PRKCB: variants seen among roughly 807,000 people sequenced by gnomAD.
PRKCB encodes the protein protein kinase C beta type.
Under a neutral mutation model 81.5 loss-of-function variants are expected in PRKCB, and 13 were observed. The observed-to-expected ratio is 0.16, with a 90% CI of 0.10 to 0.25. The LOEUF is 0.25. Among genes scored for constraint, PRKCB ranks in the 10% least tolerant of loss-of-function variants. PRKCB has a pLI of 1.00. For missense variants in PRKCB, 509 were observed against 875.7 expected, an observed-to-expected ratio of 0.58 and a Z score of 5.29; for synonymous variants, 335 against 321.4, an observed-to-expected ratio of 1.04 and a Z score of -0.45.
At chr16:23,952,896 G>A (rs1460599588) in intron 2 of PRKCB, among the ~76,000 whole-genome samples, 9 of 152,132 alleles carry the variant, frequency 5.9e-5, no homozygotes, top group South Asian at 4.1e-4. Context: ...ATACCATGCC[G>A]CCTGAATTGG....
intron 2 of PRKCB, among the ~76,000 whole-genome samples, chr16:23,884,237 C>T (rs776339721): frequency 7.2e-5 from 11 of 152,136 alleles, no homozygotes; most frequent in Non-Finnish European, 1.6e-4. Context: ...CTCTGGCACC[C>T]GTGTTGTGCT....
chr16:23,884,197 T>C (rs1963165315), intron 2 of PRKCB, among the ~76,000 whole-genome samples: 1 of 152,128 alleles, frequency 6.6e-6, no homozygotes, highest in African/African-American at 2.4e-5. Flanking sequence ...TATGCAAGCT[T>C]ATAGAATTAG....
chr16:24,214,621 C>T, intron 16 of PRKCB, 37 bp from the exon 17 acceptor site: 2 of 1,551,304 alleles, frequency 1.3e-6, no homozygotes, highest in Non-Finnish European at 8.8e-7. Context: ...TGTTTTTTTT[C>T]CCACCCACCA....
At chr16:23,951,427 A>G (rs770886871) in intron 2 of PRKCB, among the ~76,000 whole-genome samples, 4 of 151,640 alleles carry the variant, frequency 2.6e-5, no homozygotes, top group Admixed American at 2.6e-4. Flanking sequence ...CAATTTTTCT[A>G]GTGGCTTTTT....
At chr16:24,125,720 G>C (rs1469588999) in intron 9 of PRKCB, among the ~76,000 whole-genome samples, 1 of 152,170 alleles carries the variant, frequency 6.6e-6, no homozygotes, top group East Asian at 1.9e-4. Flanking sequence ...AGAGCCTAGG[G>C]ATGGAATTCA....
intron 2 of PRKCB, among the ~76,000 whole-genome samples, chr16:23,850,686 T>C (rs945510968): frequency 2.6e-5 from 4 of 152,218 alleles, no homozygotes; most frequent in Non-Finnish European, 5.9e-5. Context: ...TTTTGTTTTT[T>C]TGAGAAACTT....
At chr16:24,094,782 G>C (rs1197122502) in intron 7 of PRKCB, among the ~76,000 whole-genome samples, 1 of 144,914 alleles carries the variant, frequency 6.9e-6, no homozygotes. Flanking sequence ...GAAAGAGAGA[G>C]AGAGAGAAGG....
intron 2 of PRKCB, among the ~76,000 whole-genome samples, chr16:23,935,556 CT>C (rs1964046889): frequency 6.6e-6 from 1 of 152,060 alleles, no homozygotes; most frequent in Non-Finnish European, 1.5e-5. Flanking sequence ...CCCAAAATCT[CT>C]TTTAAAATAG....
Position 24,122,468 on chromosome 16 carries a change from T to TTTTTTTTTTTTTTTTTTC in PRKCB, c.919-1367_919-1366insTTTTTTTTTTTTTTTTTC, listed in dbSNP as rs1555498212. Among the ~76,000 whole-genome samples the TTTTTTTTTTTTTTTTTTC allele has an allele frequency of 1.9e-4, 26 of 138,992 alleles. 2 individuals are homozygous for TTTTTTTTTTTTTTTTTTC. Among genetic ancestry groups the TTTTTTTTTTTTTTTTTTC allele is most frequent in the African/African-American group, 8.2e-4 (25 of 30,348 alleles). 91.2% of individuals were successfully genotyped at this position (138,992 alleles called of 152,430 possible). Reference sequence around the variant, plus strand: ...ACGAGGCTTTTTTTTTTTTTTTTTTTAGTGAGAGAGAGATGGGATCTCACT... The same window carrying TTTTTTTTTTTTTTTTTTC: ...ACGAGGCTTTTTTTTTTTTTTTTTTTTTTTTTTTTTTTTTTTTCAGTGAGAGAGAGATGGGATCTCACT... On this transcript the variant is annotated intron_variant, in intron 8 of 16. Transcript: ENST00000643927.
intron 2 of PRKCB, among the ~76,000 whole-genome samples, chr16:23,929,119 A>G (rs1963937255): frequency 6.6e-6 from 1 of 152,070 alleles, no homozygotes; most frequent in African/African-American, 2.4e-5. Flanking sequence ...GGTGCTGCAT[A>G]AGAGATGGCT....
At chr16:23,956,817 G>A (rs1316010002) in intron 2 of PRKCB, among the ~76,000 whole-genome samples, 2 of 151,964 alleles carry the variant, frequency 1.3e-5, no homozygotes, top group African/African-American at 4.8e-5. Context: ...TGGGATGCAG[G>A]GGAGCTTAAT....
At chr16:24,088,150 T>G (rs1431463628) in intron 5 of PRKCB, among the ~76,000 whole-genome samples, 1 of 152,186 alleles carries the variant, frequency 6.6e-6, no homozygotes, top group Non-Finnish European at 1.5e-5. Flanking sequence ...GAAACACGAC[T>G]CAACTTTGAA....
intron 3 of PRKCB, among the ~76,000 whole-genome samples, chr16:23,998,526 C>G (rs1964988922): frequency 6.6e-6 from 1 of 152,202 alleles, no homozygotes. Flanking sequence ...ATGGAGCCAG[C>G]ATTCCTAGCC....
At chr16:24,117,889 C>T (rs12708655) in intron 8 of PRKCB, among the ~76,000 whole-genome samples, 18,772 of 152,242 alleles carry the variant, frequency 0.12, 1,592 homozygotes, top group African/African-American at 0.23. Flanking sequence ...GGTTATCCGT[C>T]GGCTCCCCTT....
intron 2 of PRKCB, among the ~76,000 whole-genome samples, chr16:23,894,564 T>C (rs1027970771): frequency 4.6e-5 from 7 of 152,210 alleles, no homozygotes. Flanking sequence ...TGAGGGAAGC[T>C]GTCTTGAATG....
chr16:24,137,000 C>T (rs1348419853), intron 9 of PRKCB, among the ~76,000 whole-genome samples: 2 of 151,986 alleles, frequency 1.3e-5, no homozygotes, highest in Non-Finnish European at 2.9e-5. Context: ...TCCTCAGCTT[C>T]CCGAGTAGCT....
chr16:24,117,082 A>AACATTTTTTT (rs534485926), intron 8 of PRKCB, among the ~76,000 whole-genome samples: 3,433 of 152,272 alleles, frequency 0.023, 141 homozygotes, highest in African/African-American at 0.077. Flanking sequence ...GATTTAAAAA[A>AACATTTTTTT]ATGTTTCCAA....
At chr16:24,064,017 G>A (rs762317029) in intron 5 of PRKCB, among the ~76,000 whole-genome samples, 1 of 151,964 alleles carries the variant, frequency 6.6e-6, no homozygotes, top group Non-Finnish European at 1.5e-5. Flanking sequence ...GTGTGATTCC[G>A]TTTTTGTACA....
At chr16:24,202,281 C>A (rs1967970898) in intron 16 of PRKCB, among the ~76,000 whole-genome samples, 1 of 152,184 alleles carries the variant, frequency 6.6e-6, no homozygotes, top group Non-Finnish European at 1.5e-5. Context: ...TACAAACACA[C>A]TTTTGAAAGA....
Sources: allele counts gnomAD v4.1 joint callset (sites outside exome capture counted in the v4.1 genomes callset), GRCh38; gene constraint gnomAD v4.1.1; transcripts MANE v1.5; gene names NCBI Gene and HGNC (gene_info 2026-07-23, HGNC 2026-07-21).